Variants in AZIN1 observed in about 807,000 individuals in gnomAD.
The protein encoded by AZIN1 is ornithine decarboxylase antizyme inhibitor.
Under a neutral mutation model 47.4 loss-of-function variants are expected in AZIN1, and 12 were observed. That is an observed-to-expected ratio of 0.25 (90% CI 0.16 to 0.41). The LOEUF is 0.41. Among genes scored for constraint, AZIN1 ranks in the 10% least tolerant of loss-of-function variants. AZIN1 has a pLI of 1.00. For missense variants in AZIN1, 410 were observed against 532.4 expected (o/e 0.77, Z 2.26); for synonymous variants, 155 against 176.3 (o/e 0.88, Z 0.96).
intron 9 of AZIN1, 137 bp downstream of exon 9, chr8:102,832,919 C>A: frequency 1.4e-6 from 1 of 717,534 alleles, no homozygotes; most frequent in South Asian, 1.9e-5. Context: ...GGATTATAGG[C>A]GTGAGCCACC....
At chr8:102,833,472 GTTT>G (rs3214632) in intron 8 of AZIN1, among the ~76,000 whole-genome samples, 2 of 150,270 alleles carry the variant, frequency 1.3e-5, no homozygotes, top group African/African-American at 4.9e-5. Context: ...ATTTGTTTTT[GTTT>G]TTTTTTAAGT....
intron 1 of AZIN1, among the ~76,000 whole-genome samples, chr8:102,863,099 G>A (rs934491388): frequency 6.6e-6 from 1 of 152,236 alleles, no homozygotes; most frequent in African/African-American, 2.4e-5. Context: ...CAGGGGCGGA[G>A]CAGCAGCCTC....
chr8:102,837,291 T>C (rs1202746236), intron 5 of AZIN1, among the ~76,000 whole-genome samples: 1 of 152,258 alleles, frequency 6.6e-6, no homozygotes. Context: ...CAAATCTATT[T>C]GGTATTTCCT....
intron 10 of AZIN1, 60 bp downstream of exon 10, chr8:102,829,761 A>G (rs754043799): frequency 7.8e-7 from 1 of 1,289,186 alleles, no homozygotes; most frequent in Non-Finnish European, 1.1e-6. Flanking sequence ...AAGCATCTTA[A>G]AAATAACAGC....
chr8:102,861,894 C>T (rs764367792), intron 1 of AZIN1, among the ~76,000 whole-genome samples: 9 of 151,940 alleles, frequency 5.9e-5, no homozygotes, highest in Non-Finnish European at 1.0e-4. Context: ...CAAAAATTAG[C>T]TGGGCGTGGT....
chr8:102,850,899 C>A (rs1812875898), intron 2 of AZIN1, among the ~76,000 whole-genome samples: 1 of 152,206 alleles, frequency 6.6e-6, no homozygotes, highest in Non-Finnish European at 1.5e-5. Context: ...ATAAGCCCAA[C>A]AGGCTAAGTT....
chr8:102,853,996 C>A (rs545898507), intron 2 of AZIN1, among the ~76,000 whole-genome samples: 2 of 152,082 alleles, frequency 1.3e-5, no homozygotes, highest in Non-Finnish European at 2.9e-5. Flanking sequence ...GTCTACAGTG[C>A]GGTGGCACCA....
chr8:102,830,490 C>G (rs981166852), intron 9 of AZIN1, among the ~76,000 whole-genome samples: 15 of 150,000 alleles, frequency 1.0e-4, no homozygotes, highest in African/African-American at 3.7e-4. Context: ...AATGAAGCAG[C>G]AAGGAAAAAC....
At chr8:102,861,117 G>C (rs1378605557) in intron 1 of AZIN1, among the ~76,000 whole-genome samples, 2 of 152,210 alleles carry the variant, frequency 1.3e-5, no homozygotes, top group Non-Finnish European at 2.9e-5. Flanking sequence ...CAAATGTACT[G>C]TAATAACGTA....
At chr8:102,831,096 C>T (rs192196371) in intron 9 of AZIN1, among the ~76,000 whole-genome samples, 113 of 152,224 alleles carry the variant, frequency 7.4e-4, no homozygotes, top group Non-Finnish European at 6.0e-4. Context: ...CAACTGATTA[C>T]GGGACTGAGG....
chr8:102,834,359 C>A (rs1325456877), intron 7 of AZIN1, 96 bp from the exon 8 acceptor site: 2 of 986,518 alleles, frequency 2.0e-6, no homozygotes, highest in Non-Finnish European at 3.0e-6. Flanking sequence ...AATATCTGTT[C>A]TGATCTTTAG....
At chr8:102,846,542 T>C (rs1812581611) in intron 2 of AZIN1, among the ~76,000 whole-genome samples, 1 of 152,168 alleles carries the variant, frequency 6.6e-6, no homozygotes. Context: ...AATAGAATAA[T>C]TAAGTAGGTT....
chr8:102,841,231 A>G (rs1236539519), intron 3 of AZIN1, among the ~76,000 whole-genome samples: 1 of 152,214 alleles, frequency 6.6e-6, no homozygotes, highest in Admixed American at 6.5e-5. Context: ...GGAGATGAAT[A>G]CCAGGATGTT....
At position 102,832,948 on chromosome 8, in the gene AZIN1, G is replaced by C. The variant is rs540354822; in HGVS notation, c.904+108C>G. The C allele has an allele frequency of 1.7e-3, 1,815 of 1,047,914 alleles. 3 individuals are homozygous for C. The highest frequency in any genetic ancestry group is 4.3e-3 in the Middle Eastern group (14 of 3,288). 64.9% of individuals were successfully genotyped at this position (1,047,914 alleles called of 1,614,324 possible). A position where few individuals can be genotyped will look rare whatever the true frequency, so the allele number is the denominator to read the frequency against. Reference sequence around the variant, plus strand: ...AGCCACCACGCCCGGCCAGTTTTAAGATTTTTAAAAGCTGAAAACCACCTA... The same window carrying C: ...AGCCACCACGCCCGGCCAGTTTTAACATTTTTAAAAGCTGAAAACCACCTA... On this transcript the variant is annotated intron_variant, in intron 9 of 11. Coordinates refer to ENST00000337198, the MANE Select transcript of AZIN1 (RefSeq NM_148174.4).
chr8:102,828,366 T>C lies in AZIN1; in HGVS notation c.*201A>G, dbSNP rs17775790. The C allele has an allele frequency of 5.4e-3, 2,374 of 439,488 alleles. 11 individuals are homozygous for C. Among genetic ancestry groups the C allele is most frequent in the Admixed American group, 8.1e-3 (212 of 26,164 alleles). The allele number at this position is 439,488 out of a possible 1,614,324, so 27.2% of individuals were successfully genotyped here. ...ACAAACTGGTAGGTTTAAATCTGGA[T>C]ACATTATCTAAATCTCCCATTATCC... On this transcript the variant is annotated 3_prime_UTR_variant, in exon 12 of 12. Transcript: ENST00000337198.
chr8:102,839,260 C>T (rs1812023419), intron 4 of AZIN1, among the ~76,000 whole-genome samples: 1 of 152,202 alleles, frequency 6.6e-6, no homozygotes, highest in Admixed American at 6.5e-5. Context: ...AAGCAACTCT[C>T]ACCTCAGCCT....
chr8:102,852,815 T>C (rs1472059881), intron 2 of AZIN1, among the ~76,000 whole-genome samples: 1 of 152,114 alleles, frequency 6.6e-6, no homozygotes, highest in Non-Finnish European at 1.5e-5. Context: ...AATTGCTTGA[T>C]TTGACTGGGC....
chr8:102,841,066 C>T (rs866660130), intron 3 of AZIN1, among the ~76,000 whole-genome samples: 33 of 151,772 alleles, frequency 2.2e-4, no homozygotes, highest in African/African-American at 6.5e-4. Flanking sequence ...CAGTAGGCAA[C>T]GAAAAACAAA....
At chr8:102,861,131 T>C (rs1813621731) in intron 1 of AZIN1, among the ~76,000 whole-genome samples, 1 of 152,250 alleles carries the variant, frequency 6.6e-6, no homozygotes, top group Non-Finnish European at 1.5e-5. Flanking sequence ...TAACGTAAGA[T>C]GTTACTAATA....
Sources: gnomAD v4.1 joint callset for allele counts (sites outside exome capture counted in the v4.1 genomes callset) on GRCh38, gnomAD v4.1.1 for gene constraint, MANE v1.5 for transcripts, NCBI Gene and HGNC (gene_info 2026-07-23, HGNC 2026-07-21) for gene names.